BDP1: variants seen among roughly 807,000 people sequenced by gnomAD.
BDP1 encodes transcription factor TFIIIB component B'' homolog.
A neutral mutation model predicts 266.6 loss-of-function variants in BDP1; 169 were observed. The ratio of observed to expected loss-of-function variants is 0.63; its 90% CI spans 0.56 to 0.72. BDP1 has a LOEUF of 0.72. Among genes scored for constraint, BDP1 ranks in the 30% least tolerant of loss-of-function variants. The pLI, the probability that BDP1 is intolerant of heterozygous loss-of-function variation, is 0.00. For missense variants in BDP1, 3,015 were observed against 3,053.8 expected, an observed-to-expected ratio of 0.99 and a Z score of 0.30; for synonymous variants, 1,090 against 1,022.4, an observed-to-expected ratio of 1.07 and a Z score of -1.26.
At chr5:71,498,582 C>A (rs1327579834) in intron 13 of BDP1, among the ~76,000 whole-genome samples, 1 of 150,868 alleles carries the variant, frequency 6.6e-6, no homozygotes, top group Non-Finnish European at 1.5e-5. Context: ...TGCCACCATG[C>A]CTGGCTAATT....
chr5:71,546,617 C>CAAAA (rs70992980), intron 32 of BDP1, among the ~76,000 whole-genome samples: 3 of 57,770 alleles, frequency 5.2e-5, no homozygotes, highest in African/African-American at 1.5e-4. Flanking sequence ...GACTCTGTCT[C>CAAAA]AAAAAAAAAA....
intron 7 of BDP1, among the ~76,000 whole-genome samples, chr5:71,477,388 A>G (rs546659516): frequency 4.6e-5 from 7 of 152,072 alleles, no homozygotes; most frequent in East Asian, 3.9e-4. Flanking sequence ...GGCTCAAGCA[A>G]TCCTCCTGCT....
rs1292717702 is a variant in BDP1, at chr5:71,470,074, T to C, written c.920-321T>C. On this transcript the variant is annotated intron_variant, in intron 6 of 38. Transcript: ENST00000358731. ...CAGGCTGGTCTCAAACTCCTGACCT[T>C]AGGTGACCCACCCGCCTCAGCCTCC... Among the ~76,000 whole-genome samples, 5 of 151,826 alleles carry C rather than the reference T, an allele frequency of 3.3e-5. No individual in the cohort carries two copies. The South Asian group carries it at 8.3e-4, about 25-fold the overall frequency.
Position 71,512,374 on chromosome 5 carries a change from TC to T in BDP1, c.4195del (p.Gln1399ArgfsTer17). 1.3e-6 allele frequency: 2 copies of T among 1,592,342 alleles called. No homozygotes were observed. Among genetic ancestry groups the T allele is most frequent in the African/African-American group, 1.4e-5 (1 of 73,674 alleles). On this transcript the variant is annotated frameshift_variant, in exon 18 of 39. Transcript: ENST00000358731. LOFTEE classifies it high-confidence loss of function. ...SQTHESDKTE[V>X]QGIQSPDVPE... ...ACTCATGAATCTGATAAAACAGAAG[TC>T]CAGGGGATTCAATCTCCAGATGTTC... is the stretch of plus-strand genomic sequence containing the variant.
At chr5:71,532,226 T>A in intron 25 of BDP1, 82 bp from the exon 26 acceptor site, 1 of 1,225,864 alleles carries the variant, frequency 8.2e-7, no homozygotes, top group Non-Finnish European at 1.2e-6. Flanking sequence ...GCGTTTCATC[T>A]TACTTATTCA....
intron 15 of BDP1, among the ~76,000 whole-genome samples, chr5:71,503,174 A>G (rs1405397434): frequency 1.3e-5 from 2 of 151,972 alleles, no homozygotes; most frequent in Non-Finnish European, 2.9e-5. Flanking sequence ...TTTAGTAGAG[A>G]CAGTGTTTTG....
At chr5:71,564,644 T>G in intron 38 of BDP1, 110 bp from the exon 39 acceptor site, 1 of 967,196 alleles carries the variant, frequency 1.0e-6, no homozygotes, top group East Asian at 3.0e-5. Context: ...TATTGCCACG[T>G]TGCTTTTCAA....
chr5:71,487,636 A>G (rs1356621813), intron 9 of BDP1, among the ~76,000 whole-genome samples: 1 of 152,186 alleles, frequency 6.6e-6, no homozygotes, highest in African/African-American at 2.4e-5. Flanking sequence ...CAGAGGCAGA[A>G]CTGAAACCTG....
At chr5:71,576,345 A>C in the BDP1 span, among the ~76,000 whole-genome samples, 2 of 152,198 alleles carry the variant, frequency 1.3e-5, no homozygotes, top group Non-Finnish European at 2.9e-5. Flanking sequence ...AATGTCATTA[A>C]TTATACCGCT....
At chr5:71,504,934 C>T (rs1206545426) in intron 16 of BDP1, among the ~76,000 whole-genome samples, 183 bp downstream of exon 16, 1 of 152,196 alleles carries the variant, frequency 6.6e-6, no homozygotes, top group Non-Finnish European at 1.5e-5. Context: ...GTGAATTTCT[C>T]AGATGGTTTG....
rs776645806 is a variant in BDP1, at chr5:71,497,305, T to C, written c.1835T>C (p.Leu612Ser). Residue 612 changes from leucine (L) to serine (S), a missense_variant, in exon 13 of 39, where the codon TTG becomes TCG. Physicochemically the swap from Leu to Ser is moderately radical, Grantham distance 145. Around this residue, in one of 3 missense-constraint regions of BDP1, gnomAD observed 2,383 missense variants for 2,404.9 expected, o/e 0.99. Coordinates refer to ENST00000358731, the MANE Select transcript of BDP1 (RefSeq NM_018429.3). ...CAAACAGAAAATGTTAAACCAATGT[T>C]GAGAGGTCGCTTCCAAAGACCTAAA... is the stretch of plus-strand genomic sequence containing the variant. The part of the protein sequence containing the change: ...IDQTENVKPM[L>S]RGRFQRPKPN... 1.2e-5 allele frequency: 20 copies of C among 1,613,818 alleles called. No homozygotes were observed. The Admixed American group carries it at 3.2e-4, about 26-fold the overall frequency.
chr5:71,474,328 ATT>A (rs1324096723), intron 7 of BDP1, among the ~76,000 whole-genome samples: 1 of 127,458 alleles, frequency 7.8e-6, no homozygotes, highest in Non-Finnish European at 1.7e-5. Context: ...ACAAATTTTG[ATT>A]TTTTTTTTTT....
At chr5:71,562,977 G>A in intron 38 of BDP1, 5 of 1,060,620 alleles carry the variant, frequency 4.7e-6, no homozygotes, top group Non-Finnish European at 6.1e-6. Context: ...TCTTGACAAA[G>A]AGAAGGCTGG....
chr5:71,569,055 A>C (rs1561802972), downstream of BDP1, among the ~76,000 whole-genome samples: 1 of 152,230 alleles, frequency 6.6e-6, no homozygotes, highest in Non-Finnish European at 1.5e-5. Flanking sequence ...CGCCAACTGC[A>C]GCTGTGATTG....
chr5:71,513,063 CAAAAAAAAAAA>C (rs34252624), intron 18 of BDP1, 111 bp from the exon 19 acceptor site: 6 of 416,754 alleles, frequency 1.4e-5, no homozygotes, highest in Non-Finnish European at 3.9e-6. Flanking sequence ...ACCCTGTCTC[CAAAAAAAAAAA>C]AAAAAAAAAA....
intron 8 of BDP1, among the ~76,000 whole-genome samples, chr5:71,484,990 C>G (rs189679863): frequency 4.7e-4 from 72 of 152,240 alleles, no homozygotes; most frequent in African/African-American, 1.6e-3. Context: ...CTTAGAAGAT[C>G]TGGAATATTG....
At position 71,458,644 on chromosome 5, in the gene BDP1, AGAG is replaced by A; in HGVS notation, c.279_281del (p.Arg95del). 1 of 1,612,944 alleles carries A rather than the reference AGAG, an allele frequency of 6.2e-7. No individual in the cohort carries two copies. Among genetic ancestry groups the A allele is most frequent in the Non-Finnish European group, 8.5e-7 (1 of 1,178,938 alleles). On this transcript the variant is annotated inframe_deletion, in exon 2 of 39. Transcript: ENST00000358731. ...AGTAGATCTTCCTCTACTGTTTCACAGAGAAGAAAGCGAATATCAAGTACTTCT... is the reference window on the plus strand; with the variant it reads ...AGTAGATCTTCCTCTACTGTTTCACAAAGAAAGCGAATATCAAGTACTTCT...
At position 71,552,108 on chromosome 5, in the gene BDP1, C is replaced by T. The variant is rs549109381; in HGVS notation, c.6996-1008C>T. On this transcript the variant is annotated intron_variant, in intron 34 of 38. Transcript: ENST00000358731. ...GGGGCTCCTCACTTCTCAGACGGGGCGGCTGCCGGGCGGAGGGGCTCCTCA... is the reference window on the plus strand; with the variant it reads ...GGGGCTCCTCACTTCTCAGACGGGGTGGCTGCCGGGCGGAGGGGCTCCTCA... Among the ~76,000 whole-genome samples the T allele has an allele frequency of 9.7e-3, 1,416 of 146,186 alleles. 29 individuals carry two copies. The highest frequency in any genetic ancestry group is 0.034 in the African/African-American group (1,330 of 39,384).
chr5:71,495,058 C>G (rs1763800595), intron 11 of BDP1, 192 bp from the exon 12 acceptor site: 1 of 372,042 alleles, frequency 2.7e-6, no homozygotes, highest in Non-Finnish European at 4.7e-6. Flanking sequence ...GCTGCTTTCT[C>G]TGGAGGTACA....
Sources: allele counts gnomAD v4.1 joint callset (sites outside exome capture counted in the v4.1 genomes callset), GRCh38; gene constraint gnomAD v4.1.1; regional missense constraint gnomAD v4.1.1; transcripts MANE v1.5; gene names NCBI Gene and HGNC (gene_info 2026-07-23, HGNC 2026-07-21).